NCKAP5: variants seen among roughly 807,000 people sequenced by gnomAD.
NCKAP5 encodes NCK associated protein 5, also known as nck-associated protein 5.
NCKAP5 carries 92 observed loss-of-function variants against 167.0 expected under a neutral mutation model. That is an observed-to-expected ratio of 0.55 (90% CI 0.47 to 0.66). NCKAP5 has a LOEUF of 0.66. Ranked by LOEUF, NCKAP5 falls within the 30% of genes least tolerant of loss-of-function variation. NCKAP5 has a pLI of 0.00. For missense variants in NCKAP5, 2,378 were observed against 2,315.0 expected (o/e 1.03, Z -0.56); for synonymous variants, 891 against 877.4 (o/e 1.02, Z -0.27).
At chr2:133,595,896 T>G in the NCKAP5 span, among the ~76,000 whole-genome samples, 8 of 152,244 alleles carry the variant, frequency 5.3e-5, no homozygotes, top group Non-Finnish European at 1.0e-4. Flanking sequence ...CTTTTACAAT[T>G]TTTAAAAATC....
At chr2:133,285,734 A>G (rs1486883722) in intron 4 of NCKAP5, among the ~76,000 whole-genome samples, 1 of 152,214 alleles carries the variant, frequency 6.6e-6, no homozygotes, top group Non-Finnish European at 1.5e-5. Context: ...AACTCAGTCT[A>G]CAGCAGGACA....
chr2:133,009,376 T>C (rs952865053), intron 6 of NCKAP5, among the ~76,000 whole-genome samples: 2 of 152,102 alleles, frequency 1.3e-5, no homozygotes, highest in South Asian at 2.1e-4. Flanking sequence ...GCACAGTTGG[T>C]TAACTGTTTA....
At chr2:133,449,635 C>A (rs1162057456) in intron 3 of NCKAP5, among the ~76,000 whole-genome samples, 2 of 152,130 alleles carry the variant, frequency 1.3e-5, no homozygotes, top group African/African-American at 2.4e-5. Flanking sequence ...GACTCTTCAA[C>A]TTTCAAATTC....
chr2:132,730,030 C>T (rs898812773), intron 17 of NCKAP5, among the ~76,000 whole-genome samples: 21 of 152,196 alleles, frequency 1.4e-4, no homozygotes, highest in Admixed American at 1.1e-3. Context: ...CATGCATAAC[C>T]GATGGACACA....
At chr2:133,328,537 G>A (rs1682612751) in intron 3 of NCKAP5, among the ~76,000 whole-genome samples, 1 of 152,156 alleles carries the variant, frequency 6.6e-6, no homozygotes, top group Non-Finnish European at 1.5e-5. Flanking sequence ...TAGAGCTCCT[G>A]GAGTCTCCAC....
chr2:133,067,429 G>A (rs2080236289), intron 6 of NCKAP5, among the ~76,000 whole-genome samples: 1 of 152,246 alleles, frequency 6.6e-6, no homozygotes, highest in Admixed American at 6.5e-5. Flanking sequence ...ATGATCATGA[G>A]AATGGGAATG....
chr2:132,678,581 T>C (rs1235613118), intron 19 of NCKAP5, among the ~76,000 whole-genome samples: 2 of 152,148 alleles, frequency 1.3e-5, no homozygotes, highest in Non-Finnish European at 2.9e-5. Context: ...ATAGCCCTAT[T>C]TATAAAGTGT....
chr2:132,996,840 C>T (rs949602659), intron 6 of NCKAP5, among the ~76,000 whole-genome samples: 1 of 152,290 alleles, frequency 6.6e-6, no homozygotes, highest in African/African-American at 2.4e-5. Flanking sequence ...TCTGGATGAC[C>T]TTGTCATTGG....
At chr2:133,624,798 G>A in the NCKAP5 span, among the ~76,000 whole-genome samples, 12 of 152,236 alleles carry the variant, frequency 7.9e-5, no homozygotes, top group East Asian at 1.9e-3. Flanking sequence ...CACATGTTAC[G>A]TTTTTGGAAT....
chr2:133,556,151 G>A (rs1687721877), intron 2 of NCKAP5, among the ~76,000 whole-genome samples: 1 of 152,112 alleles, frequency 6.6e-6, no homozygotes, highest in African/African-American at 2.4e-5. Flanking sequence ...GGCTTCTAGG[G>A]TGCTGGCAAT....
At chr2:133,081,669 G>A (rs1251119782) in intron 6 of NCKAP5, among the ~76,000 whole-genome samples, 1 of 152,136 alleles carries the variant, frequency 6.6e-6, no homozygotes, top group African/African-American at 2.4e-5. Flanking sequence ...CTACAGGTGA[G>A]GTGAGATGGA....
chr2:133,369,227 G>A (rs961502070), intron 3 of NCKAP5, among the ~76,000 whole-genome samples: 2 of 152,200 alleles, frequency 1.3e-5, no homozygotes, highest in Non-Finnish European at 2.9e-5. Context: ...TGGCATGTAG[G>A]GTGGATAGGC....
chr2:133,167,843 G>A (rs1001676582), intron 5 of NCKAP5, among the ~76,000 whole-genome samples: 5 of 152,080 alleles, frequency 3.3e-5, no homozygotes, highest in Admixed American at 3.3e-4. Flanking sequence ...GGAAGAAAGT[G>A]TCTTCCCACT....
At chr2:133,152,793 G>A (rs2083429863) in intron 5 of NCKAP5, among the ~76,000 whole-genome samples, 1 of 152,130 alleles carries the variant, frequency 6.6e-6, no homozygotes, top group African/African-American at 2.4e-5. Context: ...TTATAGTACT[G>A]TAATTTTTAC....
intron 4 of NCKAP5, among the ~76,000 whole-genome samples, chr2:133,302,670 T>C (rs1441918320): frequency 1.4e-5 from 2 of 140,346 alleles, no homozygotes; most frequent in Non-Finnish European, 3.1e-5. Context: ...TTGGGAGATA[T>C]ACCTAATGCT....
rs1689293499 is a variant in NCKAP5 at position 133,418,906 on chromosome 2, G to A, written c.69+98552C>T. Among the ~76,000 whole-genome samples, 2 of 152,216 alleles carry A rather than the reference G, an allele frequency of 1.3e-5. 1 individual carries two copies. The highest frequency in any genetic ancestry group is 1.3e-4 in the Admixed American group (2 of 15,278). Reference sequence around the variant, plus strand: ...CCCTTAGTGTGGGTTCAGACCGAGGGCATATTGAGTCACAATGAAAGAAAA... The same window carrying A: ...CCCTTAGTGTGGGTTCAGACCGAGGACATATTGAGTCACAATGAAAGAAAA... On this transcript the variant is annotated intron_variant, in intron 3 of 19. Coordinates refer to ENST00000409261, the MANE Select transcript of NCKAP5 (RefSeq NM_207363.3).
intron 12 of NCKAP5, among the ~76,000 whole-genome samples, chr2:132,791,946 T>G (rs1251694690): frequency 6.6e-6 from 1 of 152,216 alleles, no homozygotes; most frequent in Non-Finnish European, 1.5e-5. Context: ...GTATAGATGT[T>G]GGGGTAAGAT....
At chr2:133,548,976 G>T (rs1687014779) in intron 2 of NCKAP5, among the ~76,000 whole-genome samples, 1 of 151,776 alleles carries the variant, frequency 6.6e-6, no homozygotes, top group Non-Finnish European at 1.5e-5. Flanking sequence ...GCTGTATTCA[G>T]GAAACCCATC....
At chr2:133,663,548 T>A in the NCKAP5 span, among the ~76,000 whole-genome samples, 1 of 152,372 alleles carries the variant, frequency 6.6e-6, no homozygotes, top group Admixed American at 6.5e-5. Context: ...ACTAAGTTTA[T>A]GAATATTCTA....
Sources: allele counts gnomAD v4.1 joint callset (sites outside exome capture counted in the v4.1 genomes callset), GRCh38; gene constraint gnomAD v4.1.1; transcripts MANE v1.5; gene names NCBI Gene and HGNC (gene_info 2026-07-23, HGNC 2026-07-21).